Variants in PCDH7 observed in about 807,000 individuals in gnomAD.
PCDH7 encodes the protein protocadherin-7.
A neutral mutation model predicts 58.9 loss-of-function variants in PCDH7; 17 were observed. That is an observed-to-expected ratio of 0.29 (90% CI 0.20 to 0.43). PCDH7 has a LOEUF of 0.43. PCDH7 is among the 20% of genes least tolerant of loss of function. The probability of loss-of-function intolerance (pLI) is 1.00; values close to 1 mark genes in which losing one functional copy is unlikely to be tolerated. For missense variants in PCDH7, 1,274 were observed against 1,441.0 expected (o/e 0.88, Z 1.88); for synonymous variants, 664 against 616.4 (o/e 1.08, Z -1.14).
At chr4:30,960,268 A>G (rs1748291543) in intron 3 of PCDH7, among the ~76,000 whole-genome samples, 3 of 152,124 alleles carry the variant, frequency 2.0e-5, no homozygotes, top group African/African-American at 7.2e-5. Flanking sequence ...AATGGGTGCA[A>G]TAGAATATTT....
intron 3 of PCDH7, among the ~76,000 whole-genome samples, chr4:30,958,689 A>T (rs542780983): frequency 1.6e-3 from 248 of 152,130 alleles, no homozygotes; most frequent in Non-Finnish European, 2.5e-3. Context: ...TGATTATGGT[A>T]CATAATGTAG....
At chr4:31,009,844 G>T (rs1011504866) in intron 3 of PCDH7, among the ~76,000 whole-genome samples, 1 of 151,868 alleles carries the variant, frequency 6.6e-6, no homozygotes, top group Admixed American at 6.6e-5. Context: ...TTCATTGACT[G>T]CTGAGGTAAA....
At chr4:30,913,772 G>A (rs1448589903) in intron 1 of PCDH7, among the ~76,000 whole-genome samples, 22 of 152,136 alleles carry the variant, frequency 1.4e-4, no homozygotes, top group Non-Finnish European at 8.8e-5. Flanking sequence ...TAAGAAGGCA[G>A]TCTTTCTCTT....
downstream of PCDH7, among the ~76,000 whole-genome samples, chr4:30,735,504 G>C (rs1175570299): frequency 6.6e-6 from 1 of 152,276 alleles, no homozygotes; most frequent in East Asian, 1.9e-4. Flanking sequence ...CCTTTAAAGT[G>C]TAACTGACCG....
intron 1 of PCDH7, among the ~76,000 whole-genome samples, chr4:30,821,176 A>C (rs1359954083): frequency 6.6e-6 from 1 of 152,144 alleles, no homozygotes; most frequent in East Asian, 1.9e-4. Flanking sequence ...GTAACTGGTA[A>C]ATGATCTCAC....
chr4:30,781,218 CTT>C (rs528737377), intron 1 of PCDH7, among the ~76,000 whole-genome samples: 65 of 140,334 alleles, frequency 4.6e-4, no homozygotes, highest in Admixed American at 5.0e-4. Context: ...AGGCGTTCTT[CTT>C]TTTTTTTTTT....
At chr4:31,055,125 C>T (rs1757045533) in intron 3 of PCDH7, among the ~76,000 whole-genome samples, 1 of 152,170 alleles carries the variant, frequency 6.6e-6, no homozygotes, top group Non-Finnish European at 1.5e-5. Flanking sequence ...TTTAGCTTCA[C>T]AAATGCCTTT....
At chr4:31,113,006 G>A (rs935564310) in intron 3 of PCDH7, among the ~76,000 whole-genome samples, 3 of 151,852 alleles carry the variant, frequency 2.0e-5, no homozygotes, top group Admixed American at 1.3e-4. Flanking sequence ...ATTTTTTTCA[G>A]GTCTTCTTTG....
intron 1 of PCDH7, among the ~76,000 whole-genome samples, chr4:30,754,161 GGT>G (rs137965585): frequency 4.8e-4 from 66 of 138,488 alleles, no homozygotes; most frequent in Admixed American, 8.5e-4. Flanking sequence ...GCAAACACTA[GGT>G]GTGTGTGTGT....
chr4:30,962,876 G>T (rs1473255394), intron 3 of PCDH7, among the ~76,000 whole-genome samples: 1 of 149,636 alleles, frequency 6.7e-6, no homozygotes, highest in African/African-American at 2.5e-5. Context: ...CTTAATATTA[G>T]TACGTATCTT....
intron 3 of PCDH7, among the ~76,000 whole-genome samples, chr4:31,078,639 A>ATTTTTTTTT (rs10709152): frequency 2.6e-4 from 19 of 73,564 alleles, no homozygotes; most frequent in Non-Finnish European, 3.4e-4. Context: ...ACCATGCCCC[A>ATTTTTTTTT]TTTTTTTTTT....
chr4:30,807,222 C>G (rs1430816558), intron 1 of PCDH7, among the ~76,000 whole-genome samples: 1 of 152,120 alleles, frequency 6.6e-6, no homozygotes, highest in Admixed American at 6.5e-5. Flanking sequence ...TCCCTTGAAT[C>G]ACAAATTATT....
chr4:30,776,558 A>G (rs1322238306), intron 1 of PCDH7, among the ~76,000 whole-genome samples: 1 of 152,170 alleles, frequency 6.6e-6, no homozygotes, highest in African/African-American at 2.4e-5. Context: ...AATGAAGTAA[A>G]TCAAGTATAT....
intron 1 of PCDH7, among the ~76,000 whole-genome samples, chr4:30,746,351 G>A (rs1368085839): frequency 6.6e-6 from 1 of 152,090 alleles, no homozygotes; most frequent in Non-Finnish European, 1.5e-5. Context: ...TCTGGTTTTT[G>A]CAAGAACCAG....
intron 1 of PCDH7, among the ~76,000 whole-genome samples, chr4:30,767,126 C>A (rs1421943977): frequency 6.6e-6 from 1 of 152,034 alleles, no homozygotes. Flanking sequence ...ATAGTAATAA[C>A]CTGTGGCCAC....
intron 3 of PCDH7, among the ~76,000 whole-genome samples, chr4:31,025,951 A>T (rs1044072319): frequency 1.3e-5 from 2 of 152,236 alleles, no homozygotes; most frequent in African/African-American, 4.8e-5. Flanking sequence ...TATAAGACTC[A>T]AACGTTTTTA....
At chr4:30,925,203 T>C (rs1402810025) in intron 2 of PCDH7, among the ~76,000 whole-genome samples, 2 of 152,224 alleles carry the variant, frequency 1.3e-5, no homozygotes, top group Non-Finnish European at 2.9e-5. Flanking sequence ...ACTTTTCATA[T>C]TGCTTTTAGA....
intron 3 of PCDH7, among the ~76,000 whole-genome samples, chr4:31,006,023 A>G (rs572213080): frequency 6.6e-6 from 1 of 152,338 alleles, no homozygotes; most frequent in South Asian, 2.1e-4. Flanking sequence ...TATCTATTTC[A>G]TATAGCTGTC....
At chr4:30,892,977 A>C (rs1738818215) in intron 1 of PCDH7, among the ~76,000 whole-genome samples, 1 of 152,024 alleles carries the variant, frequency 6.6e-6, no homozygotes, top group Admixed American at 6.6e-5. Context: ...TCTTTCCACA[A>C]CTGTTTACTC....
Sources: allele counts gnomAD v4.1 joint callset (sites outside exome capture counted in the v4.1 genomes callset), GRCh38; gene constraint gnomAD v4.1.1; transcripts MANE v1.5; gene names NCBI Gene and HGNC (gene_info 2026-07-23, HGNC 2026-07-21).